The following DCLK1 variants were observed in gnomAD, a reference collection of about 807,000 sequenced individuals.
DCLK1 encodes doublecortin like kinase 1.
DCLK1 carries 16 observed loss-of-function variants against 86.2 expected under a neutral mutation model. That is an observed-to-expected ratio of 0.19 (90% CI 0.13 to 0.28). DCLK1 has a LOEUF of 0.28. Ranked by LOEUF, DCLK1 falls within the 10% of genes least tolerant of loss-of-function variation. DCLK1 has a pLI of 1.00. For missense variants in DCLK1, 590 were observed against 940.2 expected (o/e 0.63, Z 4.87); for synonymous variants, 369 against 370.5 (o/e 1.00, Z 0.05).
At chr13:35,961,082 A>G (rs1878433633) in intron 3 of DCLK1, among the ~76,000 whole-genome samples, 1 of 152,216 alleles carries the variant, frequency 6.6e-6, no homozygotes, top group African/African-American at 2.4e-5. Context: ...GGTTTTGAGT[A>G]TAGGCTCTGG....
chr13:36,099,756 G>A (rs1005827404), intron 3 of DCLK1, among the ~76,000 whole-genome samples: 1 of 152,176 alleles, frequency 6.6e-6, no homozygotes, highest in East Asian at 1.9e-4. Flanking sequence ...AGACAACTCC[G>A]TGAATAGTCT....
chr13:36,061,245 C>A (rs1883537574), intron 3 of DCLK1, among the ~76,000 whole-genome samples: 1 of 152,168 alleles, frequency 6.6e-6, no homozygotes, highest in African/African-American at 2.4e-5. Flanking sequence ...AAACTGAGAA[C>A]TGGCATTTCT....
chr13:35,876,598 C>T (rs1053516064), intron 4 of DCLK1, among the ~76,000 whole-genome samples: 3 of 152,176 alleles, frequency 2.0e-5, no homozygotes, highest in Non-Finnish European at 4.4e-5. Context: ...CCAAAATCTA[C>T]ATCAGCTGAT....
intron 3 of DCLK1, among the ~76,000 whole-genome samples, chr13:36,074,435 A>G (rs769041750): frequency 2.7e-5 from 3 of 113,200 alleles, no homozygotes; most frequent in Non-Finnish European, 5.1e-5. Flanking sequence ...GCCTGCAGTG[A>G]GCTCCAGCCT....
intron 6 of DCLK1, chr13:35,847,757 A>C: frequency 9.1e-6 from 9 of 985,176 alleles, no homozygotes; most frequent in Non-Finnish European, 1.1e-5. Context: ...CGCTGGTTCA[A>C]ATGGTTTTAG....
intron 3 of DCLK1, among the ~76,000 whole-genome samples, chr13:35,982,998 A>C (rs1879735378): frequency 6.6e-6 from 1 of 152,128 alleles, no homozygotes; most frequent in African/African-American, 2.4e-5. Context: ...TCCTGAGCTC[A>C]AGTGATCCTC....
At chr13:35,949,074 C>T (rs1741938950) in intron 3 of DCLK1, among the ~76,000 whole-genome samples, 1 of 152,162 alleles carries the variant, frequency 6.6e-6, no homozygotes, top group African/African-American at 2.4e-5. Context: ...CTACCACGCT[C>T]CAATCAGCAT....
intron 4 of DCLK1, among the ~76,000 whole-genome samples, chr13:35,893,555 T>C (rs1350197401): frequency 1.1e-4 from 17 of 152,208 alleles, no homozygotes; most frequent in Admixed American, 1.1e-3. Context: ...AGTGAAAGAT[T>C]CTGCACCTGA....
chr13:35,836,667 T>A (rs1477992987), intron 7 of DCLK1, among the ~76,000 whole-genome samples: 1 of 152,172 alleles, frequency 6.6e-6, no homozygotes, highest in African/African-American at 2.4e-5. Flanking sequence ...CCACCCGTCC[T>A]CGGTATCAAC....
At chr13:35,968,287 T>C (rs1286660274) in intron 3 of DCLK1, among the ~76,000 whole-genome samples, 2 of 152,154 alleles carry the variant, frequency 1.3e-5, no homozygotes, top group African/African-American at 4.8e-5. Context: ...TTGAAGAAGA[T>C]GAAAAAGTTC....
At chr13:36,028,708 A>G (rs1000393543) in intron 3 of DCLK1, among the ~76,000 whole-genome samples, 2 of 152,212 alleles carry the variant, frequency 1.3e-5, no homozygotes, top group African/African-American at 4.8e-5. Flanking sequence ...ACAGGTCACA[A>G]AGACCTTACT....
At chr13:35,932,395 A>G (rs915627297) in intron 4 of DCLK1, among the ~76,000 whole-genome samples, 10 of 151,054 alleles carry the variant, frequency 6.6e-5, no homozygotes, top group Non-Finnish European at 1.2e-4. Flanking sequence ...CCATTTCCTT[A>G]TAAGTATATC....
chr13:35,847,584 A>C, intron 6 of DCLK1: 1 of 967,434 alleles, frequency 1.0e-6, no homozygotes, highest in Non-Finnish European at 1.2e-6. Flanking sequence ...ACTTTCATTA[A>C]GAAATCTGAC....
At chr13:35,973,260 A>G (rs1879158311) in intron 3 of DCLK1, among the ~76,000 whole-genome samples, 1 of 152,154 alleles carries the variant, frequency 6.6e-6, no homozygotes, top group Admixed American at 6.6e-5. Flanking sequence ...TGAGCTGAGG[A>G]GCAAAGGGGA....
chr13:35,869,080 C>T, intron 5 of DCLK1: 1 of 504,538 alleles, frequency 2.0e-6, no homozygotes. Flanking sequence ...TATGAGCCAC[C>T]AGGCCCGGGC....
chr13:36,089,264 A>G (rs1246591953), intron 3 of DCLK1, among the ~76,000 whole-genome samples: 2 of 152,182 alleles, frequency 1.3e-5, no homozygotes, highest in Non-Finnish European at 2.9e-5. Context: ...GCTCTCCTCT[A>G]CTTGATGAGA....
intron 6 of DCLK1, chr13:35,847,826 T>C (rs972485151): frequency 8.1e-6 from 8 of 985,108 alleles, no homozygotes; most frequent in African/African-American, 5.2e-5. Flanking sequence ...CAGGGATGTA[T>C]ACAGATGAGA....
intron 8 of DCLK1, among the ~76,000 whole-genome samples, chr13:35,835,516 T>A (rs939843346): frequency 1.3e-5 from 2 of 152,236 alleles, no homozygotes; most frequent in African/African-American, 4.8e-5. Context: ...AACCTCAGGA[T>A]AAACCCTTCC....
At chr13:36,085,400 T>C (rs1240749477) in intron 3 of DCLK1, among the ~76,000 whole-genome samples, 3 of 152,140 alleles carry the variant, frequency 2.0e-5, no homozygotes, top group Non-Finnish European at 4.4e-5. Flanking sequence ...TGGGTTTTTT[T>C]AGAATTATGA....
Sources: gnomAD v4.1 joint callset for allele counts (sites outside exome capture counted in the v4.1 genomes callset) on GRCh38, gnomAD v4.1.1 for gene constraint, MANE v1.5 for transcripts, NCBI Gene and HGNC (gene_info 2026-07-23, HGNC 2026-07-21) for gene names.